DNAH14: variants seen among roughly 807,000 people sequenced by gnomAD.
The protein encoded by DNAH14 is axonemal beta dynein heavy chain 14.
Under a neutral mutation model 520.9 loss-of-function variants are expected in DNAH14, and 478 were observed. The ratio of observed to expected loss-of-function variants is 0.92; its 90% confidence interval spans 0.85 to 0.99. DNAH14 has a LOEUF of 0.99. Ranked by LOEUF, DNAH14 falls within the 50% of genes least tolerant of loss-of-function variation. The pLI is 0.00. For missense variants in DNAH14, 4,831 were observed against 5,234.5 expected, an observed-to-expected ratio of 0.92 and a Z score of 2.38; for synonymous variants, 1,581 against 1,757.2, an observed-to-expected ratio of 0.90 and a Z score of 2.51.
intron 60 of DNAH14, among the ~76,000 whole-genome samples, chr1:225,314,481 T>C (rs1442848482): frequency 6.6e-6 from 1 of 152,252 alleles, no homozygotes; most frequent in Non-Finnish European, 1.5e-5. Flanking sequence ...GTCATTATGA[T>C]GCTAGCTGCA....
At chr1:225,228,261 C>A (rs1011917795) in intron 41 of DNAH14, among the ~76,000 whole-genome samples, 4 of 152,184 alleles carry the variant, frequency 2.6e-5, no homozygotes, top group African/African-American at 7.2e-5. Context: ...CTAATGAATT[C>A]TCTTACAGCA....
chr1:225,250,777 T>C, intron 43 of DNAH14: 2 of 461,458 alleles, frequency 4.3e-6, no homozygotes, highest in African/African-American at 4.1e-5. Flanking sequence ...TGGGATTGGC[T>C]AGTTTGAATA....
At position 225,304,954 on chromosome 1, in the gene DNAH14, G is replaced by A; in HGVS notation, c.8870G>A (p.Ser2957Asn). 3 of 1,538,856 alleles carry A rather than the reference G, an allele frequency of 1.9e-6. No individual in the cohort carries two copies. Among genetic ancestry groups the A allele is most frequent in the South Asian group, 1.2e-5 (1 of 80,008 alleles). The change falls in exon 58 of 86, where the codon AGC (serine) becomes AAC (asparagine). Residue 2957 changes from serine (S) to asparagine (N), a missense_variant. Physicochemically the swap from Ser to Asn is conservative, Grantham distance 46. Coordinates refer to ENST00000682510, the MANE Select transcript of DNAH14 (RefSeq NM_001367479.1). ...CCAACATGTGTCCAAATCCACAAAA[G>A]CATGAAAGACTTGAACAGAAAATAC... ...LAPTCVQIHK[S>N]MKDLNRKYFE...
chr1:224,946,872 A>G (rs1197818275), intron 1 of DNAH14, among the ~76,000 whole-genome samples: 3 of 146,498 alleles, frequency 2.0e-5, no homozygotes, highest in Non-Finnish European at 4.5e-5. Context: ...TATTTTTCCA[A>G]CTGATTTGAT....
At chr1:225,086,234 G>A (rs1005945132) in intron 21 of DNAH14, among the ~76,000 whole-genome samples, 6 of 151,744 alleles carry the variant, frequency 4.0e-5, no homozygotes, top group Non-Finnish European at 7.4e-5. Flanking sequence ...CTGGGTTCAC[G>A]CCATTCTCCT....
At chr1:225,073,181 T>C (rs546372243) in intron 17 of DNAH14, among the ~76,000 whole-genome samples, 1 of 152,252 alleles carries the variant, frequency 6.6e-6, no homozygotes, top group South Asian at 2.1e-4. Context: ...GGAATGGGGT[T>C]GGGGACACGC....
At chr1:225,004,302 G>A (rs2147822477) in intron 9 of DNAH14, among the ~76,000 whole-genome samples, 1 of 152,210 alleles carries the variant, frequency 6.6e-6, no homozygotes, top group East Asian at 1.9e-4. Context: ...CATTAGCAAA[G>A]TATAAGGTAA....
intron 81 of DNAH14, among the ~76,000 whole-genome samples, chr1:225,386,214 G>T (rs1488256654): frequency 1.3e-5 from 2 of 151,938 alleles, no homozygotes; most frequent in African/African-American, 2.4e-5. Context: ...CCTTACACCT[G>T]GTATAAAAAT....
At chr1:225,294,697 G>A (rs2093967813) in intron 55 of DNAH14, among the ~76,000 whole-genome samples, 1 of 151,976 alleles carries the variant, frequency 6.6e-6, no homozygotes, top group African/African-American at 2.4e-5. Flanking sequence ...GGTGGCAGGT[G>A]CCTGTAATCC....
In DNAH14 at chr1:225,090,031, C is replaced by T. The variant is rs141391479; in HGVS notation, c.3573+4242C>T. On this transcript the variant is annotated intron_variant, in intron 21 of 85. Coordinates refer to ENST00000682510, the MANE Select transcript of DNAH14 (RefSeq NM_001367479.1). ...AAGAAGTAAAATATCATTTGTATTC[C>T]GATGACATGATTACCTATGTAAAAA... 2.1e-3 allele frequency among the ~76,000 whole-genome samples: 325 copies of T among 151,944 alleles called. 1 individual carries two copies. The highest frequency in any genetic ancestry group is 7.3e-3 in the African/African-American group (301 of 41,444).
chr1:225,026,592 G>C (rs2066138218), intron 11 of DNAH14, among the ~76,000 whole-genome samples: 1 of 152,110 alleles, frequency 6.6e-6, no homozygotes, highest in Non-Finnish European at 1.5e-5. Context: ...TTTATTTTCA[G>C]ACCCTCAATT....
intron 33 of DNAH14, among the ~76,000 whole-genome samples, 152 bp downstream of exon 33, chr1:225,153,035 C>G (rs2080661366): frequency 1.3e-5 from 2 of 152,122 alleles, no homozygotes; most frequent in African/African-American, 2.4e-5. Context: ...GAATTTCCAT[C>G]AACATATAAA....
At chr1:225,189,704 G>C (rs971620820) in intron 37 of DNAH14, among the ~76,000 whole-genome samples, 1 of 151,786 alleles carries the variant, frequency 6.6e-6, no homozygotes, top group Non-Finnish European at 1.5e-5. Flanking sequence ...TCAGTCTCTT[G>C]TATGCAACAT....
chr1:225,090,410 A>T (rs1041978651), intron 21 of DNAH14, among the ~76,000 whole-genome samples: 9 of 152,186 alleles, frequency 5.9e-5, no homozygotes, highest in African/African-American at 2.2e-4. Context: ...GTGGAAATGT[A>T]AAAGTCCTAG....
intron 66 of DNAH14, among the ~76,000 whole-genome samples, chr1:225,335,342 T>TGTATGTGCACATATACAC (rs2094929129): frequency 1.3e-5 from 1 of 79,286 alleles, no homozygotes; most frequent in Non-Finnish European, 2.5e-5. Context: ...TGTGTACATG[T>TGTATGTGCACATATACAC]GTGTGTATAT....
chr1:225,337,563 G>A, intron 67 of DNAH14, 67 bp downstream of exon 67: 15 of 1,291,220 alleles, frequency 1.2e-5, no homozygotes, highest in Non-Finnish European at 1.6e-5. Flanking sequence ...TGAGCATAAA[G>A]GCTAAAAGTT....
chr1:225,307,652 C>G, intron 59 of DNAH14, 83 bp downstream of exon 59: 1 of 1,037,850 alleles, frequency 9.6e-7, no homozygotes, highest in Non-Finnish European at 1.3e-6. Flanking sequence ...TGATACCTGA[C>G]AAAGACAGGC....
rs141133153 is a variant in DNAH14 at position 225,216,622 on chromosome 1, C to A, written c.6439+9402C>A. ...TTTACTCTTTTTTCTCTAAACTTCT[C>A]TTCTCACTTCATTTCATTCATTTGA... On this transcript the variant is annotated intron_variant, in intron 41 of 85. Coordinates refer to ENST00000682510, the MANE Select transcript of DNAH14 (RefSeq NM_001367479.1). Among the ~76,000 whole-genome samples, 761 of 152,038 alleles carry A rather than the reference C, an allele frequency of 5.0e-3. 7 individuals carry two copies. Among genetic ancestry groups the A allele is most frequent in the African/African-American group, 0.017 (719 of 41,514 alleles).
At chr1:225,082,197 T>TGTGTGTGTGTGCGC (rs374597749) in intron 19 of DNAH14, among the ~76,000 whole-genome samples, 1 of 151,692 alleles carries the variant, frequency 6.6e-6, no homozygotes, top group Non-Finnish European at 1.5e-5. Context: ...TGTGTGTGTG[T>TGTGTGTGTGTGCGC]GCACATGCGC....
Sources: gnomAD v4.1 joint callset for allele counts (sites outside exome capture counted in the v4.1 genomes callset) on GRCh38, gnomAD v4.1.1 for gene constraint, MANE v1.5 for transcripts, NCBI Gene and HGNC (gene_info 2026-07-23, HGNC 2026-07-21) for gene names.